COG5: variants seen among roughly 807,000 people sequenced by gnomAD.
COG5 encodes conserved oligomeric Golgi complex subunit 5.
COG5 carries 86 observed loss-of-function variants against 110.4 expected under a neutral mutation model. That is an observed-to-expected ratio of 0.78 (90% CI 0.65 to 0.93). COG5 has a LOEUF of 0.93. Ranked by LOEUF, COG5 falls within the 40% of genes least tolerant of loss-of-function variation. The pLI is 0.00. For missense variants in COG5, 1,077 were observed against 987.0 expected (o/e 1.09, Z -1.22); for synonymous variants, 360 against 334.6 (o/e 1.08, Z -0.83).
Position 107,554,270 on chromosome 7 carries a change from TTATTAGAAA to T in COG5, c.292+6_292+14del. ...TCTAGCTCTACATAATCTCTAGCAG[TTATTAGAAA>T]TATACCTTCCAACGACTCAATCCCA... On this transcript the variant is annotated splice_donor_region_variant and intron_variant, in intron 3 of 21. Coordinates refer to ENST00000297135, the MANE Select transcript of COG5 (RefSeq NM_006348.5). 6.2e-7 allele frequency: 1 copy of T among 1,611,098 alleles called. No homozygotes were observed. Among genetic ancestry groups the T allele is most frequent in the Non-Finnish European group, 8.5e-7 (1 of 1,177,222 alleles).
chr7:107,560,748 T>C (rs1369020379), intron 1 of COG5, among the ~76,000 whole-genome samples: 4 of 152,204 alleles, frequency 2.6e-5, no homozygotes, highest in Non-Finnish European at 5.9e-5. Context: ...ATGTGTATTA[T>C]AGAACTAGCA....
chr7:107,225,994 G>A (rs1800307918), intron 19 of COG5, among the ~76,000 whole-genome samples: 1 of 152,040 alleles, frequency 6.6e-6, no homozygotes. Flanking sequence ...AGTGAACCAT[G>A]ATCATGCCAT....
At chr7:107,291,489 A>C (rs957940274) in intron 12 of COG5, among the ~76,000 whole-genome samples, 1 of 152,094 alleles carries the variant, frequency 6.6e-6, no homozygotes, top group Non-Finnish European at 1.5e-5. Context: ...GGATTATTTT[A>C]ATGAAGTCTA....
intron 5 of COG5, among the ~76,000 whole-genome samples, chr7:107,538,248 G>A (rs1801732699): frequency 6.6e-6 from 1 of 152,182 alleles, no homozygotes; most frequent in African/African-American, 2.4e-5. Context: ...AGGGCGGCCA[G>A]CTTTTTCACA....
intron 3 of COG5, among the ~76,000 whole-genome samples, chr7:107,550,587 G>C (rs577169484): frequency 1.3e-5 from 2 of 152,082 alleles, no homozygotes; most frequent in Non-Finnish European, 2.9e-5. Flanking sequence ...ATCTTCACAT[G>C]ATGGCTCCTC....
intron 7 of COG5, among the ~76,000 whole-genome samples, chr7:107,410,775 A>T (rs1470406989): frequency 6.6e-6 from 1 of 152,126 alleles, no homozygotes; most frequent in Non-Finnish European, 1.5e-5. Flanking sequence ...TAAAAGAATT[A>T]TGAGTTATAA....
At chr7:107,269,771 T>C (rs1380173704) in intron 14 of COG5, among the ~76,000 whole-genome samples, 1 of 152,220 alleles carries the variant, frequency 6.6e-6, no homozygotes, top group Non-Finnish European at 1.5e-5. Context: ...TTGCATTAGA[T>C]TTCCTCCTTC....
intron 19 of COG5, among the ~76,000 whole-genome samples, chr7:107,215,714 G>C (rs992935640): frequency 1.5e-4 from 23 of 149,624 alleles, no homozygotes; most frequent in African/African-American, 5.6e-4. Flanking sequence ...CTACAAAAGA[G>C]TCAACTCACT....
intron 7 of COG5, among the ~76,000 whole-genome samples, chr7:107,388,705 G>C (rs1279807344): frequency 6.6e-6 from 1 of 152,220 alleles, no homozygotes; most frequent in Non-Finnish European, 1.5e-5. Flanking sequence ...GATGTGAACA[G>C]TAATGTACGG....
chr7:107,542,535 G>C (rs1435359005), intron 5 of COG5, among the ~76,000 whole-genome samples: 1 of 152,060 alleles, frequency 6.6e-6, no homozygotes, highest in African/African-American at 2.4e-5. Context: ...TTACACAAAG[G>C]GGTATTAGCA....
At chr7:107,247,490 C>T (rs1802142648) in intron 17 of COG5, among the ~76,000 whole-genome samples, 1 of 152,090 alleles carries the variant, frequency 6.6e-6, no homozygotes, top group African/African-American at 2.4e-5. Flanking sequence ...TTTCATAAAA[C>T]AGATATTCTT....
rs1224268735 is a variant in COG5, at chr7:107,288,949, T to G, written c.1314-5217A>C. 5.5e-5 allele frequency among the ~76,000 whole-genome samples: 6 copies of G among 109,014 alleles called. 1 individual carries two copies. Among genetic ancestry groups the G allele is most frequent in the African/African-American group, 3.4e-5 (1 of 29,700 alleles). 71.5% of individuals were successfully genotyped at this position (109,014 alleles called of 152,430 possible). ...ATATATATATATATATATATATATATATATATATATATATTTAAAAATTTA... is the reference window on the plus strand; with the variant it reads ...ATATATATATATATATATATATATAGATATATATATATATTTAAAAATTTA... On this transcript the variant is annotated intron_variant, in intron 12 of 21. Coordinates refer to ENST00000297135, the MANE Select transcript of COG5 (RefSeq NM_006348.5).
intron 6 of COG5, chr7:107,480,868 G>C (rs974248924): frequency 6.6e-6 from 1 of 151,954 alleles, no homozygotes; most frequent in Non-Finnish European, 1.5e-5. Flanking sequence ...ATTTTTTTCA[G>C]GACAAAAAGA....
At chr7:107,296,464 C>T (rs1349582322) in intron 12 of COG5, among the ~76,000 whole-genome samples, 1 of 151,820 alleles carries the variant, frequency 6.6e-6, no homozygotes, top group Non-Finnish European at 1.5e-5. Flanking sequence ...CTCTTTTGCC[C>T]TCTCTATTAG....
chr7:107,531,781 C>T (rs1801227549), intron 5 of COG5, among the ~76,000 whole-genome samples: 1 of 151,644 alleles, frequency 6.6e-6, no homozygotes, highest in African/African-American at 2.4e-5. Flanking sequence ...TTTCGGCCAG[C>T]AGAAGCCTCT....
At chr7:107,211,034 G>T in intron 20 of COG5, 65 bp downstream of exon 20, 1 of 1,571,698 alleles carries the variant, frequency 6.4e-7, no homozygotes, top group Non-Finnish European at 8.7e-7. Context: ...GTGAGTAGGG[G>T]CTCAGGATTC....
intron 11 of COG5, among the ~76,000 whole-genome samples, chr7:107,301,167 T>G (rs1807234162): frequency 6.6e-6 from 1 of 152,158 alleles, no homozygotes; most frequent in Non-Finnish European, 1.5e-5. Context: ...TTAAATTTTC[T>G]AAAAGAAAAC....
At chr7:107,288,907 GATATATATATATATATAT>G (rs60313728) in intron 12 of COG5, among the ~76,000 whole-genome samples, 2,889 of 93,954 alleles carry the variant, frequency 0.031, 63 homozygotes, top group Middle Eastern at 0.075. Context: ...TTCTAACAGA[GATATATATATATATATAT>G]ATATATATAT....
chr7:107,421,032 G>C (rs1320652334), intron 6 of COG5, among the ~76,000 whole-genome samples: 1 of 152,096 alleles, frequency 6.6e-6, no homozygotes, highest in African/African-American at 2.4e-5. Flanking sequence ...GTCTCACTCT[G>C]TGTCTGCTTT....
Sources: gnomAD v4.1 joint callset for allele counts (sites outside exome capture counted in the v4.1 genomes callset) on GRCh38, gnomAD v4.1.1 for gene constraint, MANE v1.5 for transcripts, NCBI Gene and HGNC (gene_info 2026-07-23, HGNC 2026-07-21) for gene names.